The following CCDC183 variants were observed in gnomAD, a reference collection of about 807,000 sequenced individuals.
The protein encoded by CCDC183 is coiled-coil domain-containing protein 183.
In CCDC183, 63 loss-of-function variants were observed where a neutral mutation model predicts 65.2. The observed-to-expected ratio is 0.97, with a 90% CI of 0.79 to 1.19. The LOEUF (loss-of-function observed/expected upper bound fraction) is 1.19, where lower values mean the gene tolerates loss of function less well. Ranked by LOEUF, CCDC183 falls within the 50% of genes most tolerant of loss-of-function variation. CCDC183 has a pLI of 0.00. For synonymous variants in CCDC183, 323 were observed against 276.5 expected, an observed-to-expected ratio of 1.17 and a Z score of -1.67; for missense variants, 769 against 689.3, an observed-to-expected ratio of 1.12 and a Z score of -1.30.
rs543249177 is a variant in CCDC183 at position 136,807,144 on chromosome 9, C to T, written c.1486+78C>T. The stretch of plus-strand genomic sequence containing the variant: ...GTCGGGGTGGCGCCGGCTCCCATCC[C>T]ACCGGGACATCCTGGAGGGACAGCG... On this transcript the variant is annotated intron_variant, in intron 13 of 13. Transcript: ENST00000338005. 401 of 1,324,738 alleles carry T rather than the reference C, an allele frequency of 3.0e-4. 1 individual carries two copies. The African/African-American group carries it at 5.3e-3, about 18-fold the overall frequency. The allele number at this position is 1,324,738 out of a possible 1,614,324, so 82.1% of individuals were successfully genotyped here. A position where few individuals can be genotyped will look rare whatever the true frequency, so the allele number is the denominator to read the frequency against.
At chr9:136,805,221 C>T (rs1588335649) in intron 8 of CCDC183, 136 bp from the exon 9 acceptor site, 1 of 688,188 alleles carries the variant, frequency 1.5e-6, no homozygotes, top group Non-Finnish European at 2.5e-6. Flanking sequence ...GGGGCGGGGG[C>T]AGGCATCTCT....
In CCDC183 at chr9:136,799,172, C is replaced by G. The variant is rs1191149890; in HGVS notation, c.141C>G (p.Leu47=). The G allele has an allele frequency of 6.2e-7, 1 of 1,612,596 alleles. No homozygotes were observed. Among genetic ancestry groups the G allele is most frequent in the Non-Finnish European group, 8.5e-7 (1 of 1,179,620 alleles). Reference sequence around the variant, plus strand: ...ACCAGAACAAGGCCACGCTGGCCCTCCTGCGCAGCAACATCCGCCGCGGGG... The same window carrying G: ...ACCAGAACAAGGCCACGCTGGCCCTGCTGCGCAGCAACATCCGCCGCGGGG... The part of the protein sequence containing the change: ...NMDQNKATLA[L]LRSNIRRGAQ... The change falls in exon 2 of 14, where the codon CTC becomes CTG. Residue 47 remains leucine, a synonymous_variant. Transcript: ENST00000338005.
In CCDC183 at chr9:136,807,011, G is replaced by C; in HGVS notation, c.1431G>C (p.Leu477=). 2 of 1,613,654 alleles carry C rather than the reference G, an allele frequency of 1.2e-6. No individual in the cohort carries two copies. Among genetic ancestry groups the C allele is most frequent in the Non-Finnish European group, 1.7e-6 (2 of 1,180,024 alleles). Residue 477 remains leucine (L), a synonymous_variant, in exon 13 of 14, where the codon CTG becomes CTC. Coordinates refer to ENST00000338005, the MANE Select transcript of CCDC183 (RefSeq NM_001039374.5). The part of the protein sequence containing the change: ...KVRDTLESST[L]MEKYNTRISF... ...GGGACACCCTGGAGTCCTCGACTCT[G>C]ATGGAGAAGTACAACACCAGGATCA...
chr9:136,803,287 C>A (rs543784047), intron 6 of CCDC183, among the ~76,000 whole-genome samples: 5 of 141,926 alleles, frequency 3.5e-5, no homozygotes, highest in African/African-American at 1.1e-4. Flanking sequence ...AGGGCTGGGG[C>A]CCCCCAGGGC....
intron 10 of CCDC183, 24 bp downstream of exon 10, chr9:136,806,262 G>A (rs780101910): frequency 2.7e-5 from 43 of 1,576,798 alleles, no homozygotes; most frequent in Middle Eastern, 1.7e-4. Flanking sequence ...CCGGGGCTGC[G>A]GGCCACCCAC....
chr9:136,799,814 A>G (rs1847707644), intron 3 of CCDC183, 24 bp downstream of exon 3: 1 of 1,604,676 alleles, frequency 6.2e-7, no homozygotes, highest in Non-Finnish European at 8.5e-7. Flanking sequence ...AGGGGCCTCG[A>G]GACCCAACCC....
At chr9:136,803,092 GGGCCA>G (rs1847766905) in intron 6 of CCDC183, among the ~76,000 whole-genome samples, 1 of 55,284 alleles carries the variant, frequency 1.8e-5, no homozygotes, top group African/African-American at 1.2e-4. Flanking sequence ...GGGCCCCCCA[GGGCCA>G]GCCCTCTTGG....
intron 13 of CCDC183, 141 bp from the exon 14 acceptor site, chr9:136,807,431 C>T (rs1847880623): frequency 2.7e-6 from 3 of 1,096,174 alleles, no homozygotes; most frequent in Non-Finnish European, 3.8e-6. Flanking sequence ...ATGGGCTGGG[C>T]TGAGTCCTCC....
intron 1 of CCDC183, among the ~76,000 whole-genome samples, chr9:136,798,231 C>T (rs1024108908): frequency 5.9e-5 from 9 of 152,012 alleles, no homozygotes; most frequent in African/African-American, 2.2e-4. Flanking sequence ...GTCTCAAACT[C>T]CTGACCTCAG....
chr9:136,801,598 C>T (rs796162768), intron 5 of CCDC183, among the ~76,000 whole-genome samples: 8 of 151,846 alleles, frequency 5.3e-5, no homozygotes, highest in South Asian at 2.1e-4. Context: ...CCCAGCTACT[C>T]GGGAGGCTGA....
intron 1 of CCDC183, 53 bp downstream of exon 1, chr9:136,796,520 G>C: frequency 7.7e-7 from 1 of 1,294,180 alleles, no homozygotes; most frequent in Non-Finnish European, 1.1e-6. Flanking sequence ...GGGTTTCTGG[G>C]TGCACAACTT....
At position 136,804,924 on chromosome 9, in the gene CCDC183, C is replaced by T. The variant is rs1213466429; in HGVS notation, c.847+108C>T. On this transcript the variant is annotated intron_variant, in intron 8 of 13. Coordinates refer to ENST00000338005, the MANE Select transcript of CCDC183 (RefSeq NM_001039374.5). The surrounding 1 kb of genome is among the most constrained non-coding windows in gnomAD (Gnocchi z 4.1). Reference sequence around the variant, plus strand: ...CCTGAGGCCAGGTGTGACATGTGGTCGCCAGGGTGAAGGGAAGGACAGGTC... The same window carrying T: ...CCTGAGGCCAGGTGTGACATGTGGTTGCCAGGGTGAAGGGAAGGACAGGTC... 30 of 949,240 alleles carry T rather than the reference C, an allele frequency of 3.2e-5. No homozygotes were observed. Among genetic ancestry groups the T allele is most frequent in the Middle Eastern group, 2.1e-4 (1 of 4,714 alleles). The allele number at this position is 949,240 out of a possible 1,614,324, so 58.8% of individuals were successfully genotyped here.
intron 6 of CCDC183, among the ~76,000 whole-genome samples, chr9:136,803,280 G>GC (rs149971114): frequency 0.031 from 1,563 of 50,698 alleles, 433 homozygotes; most frequent in African/African-American, 0.1. Context: ...AGGGCCCAGG[G>GC]CTGGGGCCCC....
At position 136,805,418 on chromosome 9, in the gene CCDC183, G is replaced by A. The variant is rs1847825140; in HGVS notation, c.909G>A (p.Val303=). ...ACCAGTCGGGCGTGACTGCTGTGGT[G>A]GAGAAGGTCAAGAGTGCTGTACGGT... ...MEYQSGVTAV[V]EKVKSAVRCS... The change falls in exon 9 of 14, where the codon GTG becomes GTA. Residue 303 remains valine, a synonymous_variant. Transcript: ENST00000338005. 6.2e-7 allele frequency: 1 copy of A among 1,613,954 alleles called. No individual in the cohort carries two copies. The highest frequency in any genetic ancestry group is 8.5e-7 in the Non-Finnish European group (1 of 1,179,994).
At position 136,804,599 on chromosome 9, in the gene CCDC183, C is replaced by A; in HGVS notation, c.764C>A (p.Thr255Lys). 3.1e-6 allele frequency: 5 copies of A among 1,613,708 alleles called. No homozygotes were observed. Among genetic ancestry groups the A allele is most frequent in the Non-Finnish European group, 3.4e-6 (4 of 1,179,954 alleles). ...AAGAAGCTGATCGACAAGATCCACA[C>A]GAAGGAGACCAGCGAGAAGTACCGC... ...QQKKLIDKIH[T>K]KETSEKYRRG... is the part of the protein sequence containing the mutation. Residue 255 changes from threonine to lysine, a missense_variant, in exon 7 of 14, where the codon ACG becomes AAG. Thr to Lys is a moderately conservative substitution (Grantham distance 78). Transcript: ENST00000338005. The surrounding 1 kb of genome is among the most constrained non-coding windows in gnomAD (Gnocchi z 4.1).
At chr9:136,799,907 T>A in intron 3 of CCDC183, 95 bp from the exon 4 acceptor site, 1 of 1,516,360 alleles carries the variant, frequency 6.6e-7, no homozygotes, top group Non-Finnish European at 8.9e-7. Context: ...AGGTTCCCTG[T>A]GGGGTTGCCA....
Position 136,804,717 on chromosome 9 carries a change from C to T in CCDC183, c.793-45C>T. ...AGGGCCACCACTCAGGGCCCACTCC[C>T]TGCCAAGGATGTCTCATCCCTTCCC... On this transcript the variant is annotated intron_variant, in intron 7 of 13. Coordinates refer to ENST00000338005, the MANE Select transcript of CCDC183 (RefSeq NM_001039374.5). The surrounding 1 kb of genome is among the most constrained non-coding windows in gnomAD (Gnocchi z 4.1). 1.9e-6 allele frequency: 3 copies of T among 1,613,256 alleles called. No individual in the cohort carries two copies. Among genetic ancestry groups the T allele is most frequent in the Non-Finnish European group, 2.5e-6 (3 of 1,179,594 alleles).
intron 6 of CCDC183, among the ~76,000 whole-genome samples, chr9:136,803,688 C>T (rs1847789761): frequency 6.6e-6 from 1 of 152,188 alleles, no homozygotes; most frequent in South Asian, 2.1e-4. Context: ...AGTGCTTGAG[C>T]TGGGCTGAGG....
chr9:136,800,330 C>A, intron 4 of CCDC183, 59 bp from the exon 5 acceptor site: 1 of 1,512,136 alleles, frequency 6.6e-7, no homozygotes, highest in South Asian at 1.2e-5. Flanking sequence ...AACCCAGCCC[C>A]GACACCCTCC....
Sources: allele counts gnomAD v4.1 joint callset (sites outside exome capture counted in the v4.1 genomes callset), GRCh38; gene constraint gnomAD v4.1.1; non-coding constraint Gnocchi (gnomAD v3.1); transcripts MANE v1.5; gene names NCBI Gene and HGNC (gene_info 2026-07-23, HGNC 2026-07-21).